Variants in ST6GAL2 observed in about 807,000 individuals in gnomAD.
The protein encoded by ST6GAL2 is ST6 beta-galactoside alpha-2,6-sialyltransferase 2.
ST6GAL2 carries 24 observed loss-of-function variants against 37.5 expected under a neutral mutation model. The ratio of observed to expected loss-of-function variants is 0.64; its 90% CI spans 0.46 to 0.90. The LOEUF (loss-of-function observed/expected upper bound fraction) is 0.90, where lower values mean the gene tolerates loss of function less well. ST6GAL2 is among the 40% of genes least tolerant of loss of function. ST6GAL2 has a pLI of 0.00. For missense variants in ST6GAL2, 715 were observed against 712.7 expected (o/e 1.00, Z -0.04); for synonymous variants, 306 against 295.1 (o/e 1.04, Z -0.38).
chr2:106,881,867 A>T (rs1678764904), intron 1 of ST6GAL2, among the ~76,000 whole-genome samples: 1 of 152,236 alleles, frequency 6.6e-6, no homozygotes, highest in Non-Finnish European at 1.5e-5. Flanking sequence ...GTATTCTCTA[A>T]TGCTTTAGCC....
intron 5 of ST6GAL2, among the ~76,000 whole-genome samples, chr2:106,828,199 C>T (rs976236749): frequency 6.6e-6 from 1 of 152,034 alleles, no homozygotes; most frequent in African/African-American, 2.4e-5. Flanking sequence ...CTGACAGGCC[C>T]CTCTAACTGT....
At chr2:106,874,652 G>A (rs1481378548) in intron 1 of ST6GAL2, among the ~76,000 whole-genome samples, 1 of 152,180 alleles carries the variant, frequency 6.6e-6, no homozygotes, top group Non-Finnish European at 1.5e-5. Flanking sequence ...GCTATAAGCA[G>A]TGCACTGCTT....
chr2:106,880,754 AG>A (rs147084446), intron 1 of ST6GAL2, among the ~76,000 whole-genome samples: 11,855 of 152,232 alleles, frequency 0.078, 576 homozygotes, highest in South Asian at 0.092. Flanking sequence ...TTCAGTTGGA[AG>A]GGCTAGGCTC....
chr2:106,802,448 T>C lies in ST6GAL2; in HGVS notation c.*4230A>G, dbSNP rs1161482137. 6.6e-6 allele frequency: 1 copy of C among 151,710 alleles called. No homozygotes were observed. The highest frequency in any genetic ancestry group is 6.6e-5 in the Admixed American group (1 of 15,214). 9.4% of individuals were successfully genotyped at this position (151,710 alleles called of 1,614,324 possible). On this transcript the variant is annotated 3_prime_UTR_variant, in exon 6 of 6. Transcript: ENST00000409382. Reference sequence around the variant, plus strand: ...TTGAACAGAAACATATTACATTACTTTTTTTTTAACCAAAAGGCTTCATTC... The same window carrying C: ...TTGAACAGAAACATATTACATTACTCTTTTTTTAACCAAAAGGCTTCATTC...
chr2:106,843,523 G>A lies in ST6GAL2; in HGVS notation c.455C>T (p.Ser152Phe). Residue 152 changes from serine to phenylalanine, a missense_variant, in exon 2 of 6, where the codon TCC becomes TTC. Transcript: ENST00000409382. ...CTCCCGTGGGCCTGGCTCCCCGGGGGAAGGGAATCCCAATGTCCCCTGAGT... is the reference window on the plus strand; with the variant it reads ...CTCCCGTGGGCCTGGCTCCCCGGGGAAAGGGAATCCCAATGTCCCCTGAGT... ...SHTQGTLGFPSPGEPGPREGA... is the reference protein window; with the variant it reads ...SHTQGTLGFPFPGEPGPREGA... 6.2e-7 allele frequency: 1 copy of A among 1,614,032 alleles called. No homozygotes were observed. Among genetic ancestry groups the A allele is most frequent in the South Asian group, 1.1e-5 (1 of 91,084 alleles).
intron 4 of ST6GAL2, among the ~76,000 whole-genome samples, chr2:106,831,107 A>T (rs1676404989): frequency 2.6e-5 from 4 of 152,240 alleles, no homozygotes. Flanking sequence ...TATTAAGATC[A>T]CAGGAAATAT....
intron 1 of ST6GAL2, among the ~76,000 whole-genome samples, chr2:106,863,340 T>C (rs1313829093): frequency 6.6e-6 from 1 of 152,202 alleles, no homozygotes; most frequent in Admixed American, 6.5e-5. Context: ...ACAGATTGGA[T>C]CATGGATTTT....
intron 1 of ST6GAL2, among the ~76,000 whole-genome samples, chr2:106,867,896 CCTCCCCCCACAAAAG>C (rs1488610694): frequency 2.0e-5 from 3 of 152,088 alleles, no homozygotes; most frequent in Non-Finnish European, 4.4e-5. Context: ...TCAACCTCTC[CCTCCCCCCACAAAAG>C]CCACTGTCTG....
chr2:106,822,404 C>A (rs1164265642), intron 5 of ST6GAL2, among the ~76,000 whole-genome samples: 3 of 151,780 alleles, frequency 2.0e-5, no homozygotes, highest in African/African-American at 7.3e-5. Context: ...ATCCCATTTA[C>A]AATAACTACA....
chr2:106,833,998 C>G (rs369415146), intron 3 of ST6GAL2, 51 bp downstream of exon 3: 3 of 1,344,784 alleles, frequency 2.2e-6, no homozygotes, highest in South Asian at 1.2e-5. Context: ...CTTCACTCAT[C>G]CAGTTAAACC....
At chr2:106,875,435 C>T (rs1245855443) in intron 1 of ST6GAL2, among the ~76,000 whole-genome samples, 1 of 152,150 alleles carries the variant, frequency 6.6e-6, no homozygotes, top group East Asian at 1.9e-4. Context: ...ATTTTGTCCT[C>T]CCAAAGTGCT....
At chr2:106,887,117 T>C (rs1679037597), upstream of ST6GAL2, 1 of 152,212 alleles carries the variant, frequency 6.6e-6, no homozygotes, top group African/African-American at 2.4e-5. Context: ...AGTGAGTCTT[T>C]GTGTACCCTG....
chr2:106,874,884 C>A (rs927137320), intron 1 of ST6GAL2, among the ~76,000 whole-genome samples: 30 of 152,228 alleles, frequency 2.0e-4, no homozygotes, highest in African/African-American at 6.3e-4. Context: ...GCAGAGGCAG[C>A]TTCCTCTTCA....
rs74846591 is a variant in ST6GAL2 at position 106,877,790 on chromosome 2, T to C, written c.-58+8303A>G. Among the ~76,000 whole-genome samples, 1,442 of 152,340 alleles carry C rather than the reference T, an allele frequency of 9.5e-3. 25 individuals are homozygous for C. The highest frequency in any genetic ancestry group is 0.033 in the African/African-American group (1,381 of 41,572). On this transcript the variant is annotated intron_variant, in intron 1 of 5. Coordinates refer to ENST00000409382, the MANE Select transcript of ST6GAL2 (RefSeq NM_001142351.2). ...GTGTGAGCACCTTCCTACAATTCTG[T>C]TCCCTACAACCTCTCCACACACACA...
chr2:106,881,943 C>A (rs1360836117), intron 1 of ST6GAL2, among the ~76,000 whole-genome samples: 1 of 152,192 alleles, frequency 6.6e-6, no homozygotes, highest in Admixed American at 6.5e-5. Context: ...CCCAGTAACT[C>A]AAAGCAGATG....
Position 106,806,699 on chromosome 2 carries a change from A to C in ST6GAL2, c.1569T>G (p.Ser523Arg). The change falls in exon 6 of 6, where the codon AGT becomes AGG. Residue 523 changes from serine to arginine, a missense_variant. Physicochemically the swap from Ser to Arg is moderately radical, Grantham distance 110. This residue lies in a region of ST6GAL2 where 198 missense variants were observed against 203.6 expected (regional missense o/e 0.97). Transcript: ENST00000409382. ...GFQAVHCPAP[S>R]PVIPHS is the part of the protein sequence containing the mutation. ...CTTTTTAAGAGTGTGGAATGACTGG[A>C]CTTGGTGCAGGGCAGTGCACCGCCT... 1 of 1,614,104 alleles carries C rather than the reference A, an allele frequency of 6.2e-7. No individual in the cohort carries two copies. The highest frequency in any genetic ancestry group is 8.5e-7 in the Non-Finnish European group (1 of 1,179,984).
Position 106,806,481 on chromosome 2 carries a change from T to G in ST6GAL2, c.*197A>C. On this transcript the variant is annotated 3_prime_UTR_variant, in exon 6 of 6. Coordinates refer to ENST00000409382, the MANE Select transcript of ST6GAL2 (RefSeq NM_001142351.2). ...TGCATCTTTCTTGAGCCTTATTTTT[T>G]TAAAAAAACCATTTCTATGTTCAAA... The G allele has an allele frequency of 1.6e-6, 1 of 633,804 alleles. No homozygotes were observed. Among genetic ancestry groups the G allele is most frequent in the Non-Finnish European group, 2.6e-6 (1 of 389,736 alleles). The allele number at this position is 633,804 out of a possible 1,614,324, so 39.3% of individuals were successfully genotyped here.
chr2:106,826,986 G>C (rs1573226946), intron 5 of ST6GAL2, among the ~76,000 whole-genome samples: 1 of 152,170 alleles, frequency 6.6e-6, no homozygotes, highest in East Asian at 1.9e-4. Flanking sequence ...CCGTCCTGCT[G>C]ACCGGTGTAC....
At chr2:106,871,047 T>C (rs1258300626) in intron 1 of ST6GAL2, among the ~76,000 whole-genome samples, 2 of 152,204 alleles carry the variant, frequency 1.3e-5, no homozygotes, top group East Asian at 3.8e-4. Context: ...AAAATCTAGA[T>C]GGTACAGCCT....
Sources: gnomAD v4.1 joint callset for allele counts (sites outside exome capture counted in the v4.1 genomes callset) on GRCh38, gnomAD v4.1.1 for gene constraint, gnomAD v4.1.1 regional missense constraint, MANE v1.5 for transcripts, NCBI Gene and HGNC (gene_info 2026-07-23, HGNC 2026-07-21) for gene names.